Variants in DNAH11 observed in about 807,000 individuals in gnomAD.
DNAH11 encodes axonemal beta dynein heavy chain 11.
DNAH11 carries 442 observed loss-of-function variants against 526.0 expected under a neutral mutation model. The observed-to-expected ratio is 0.84, with a 90% CI of 0.78 to 0.91. DNAH11 has a LOEUF of 0.91. DNAH11 is among the 40% of genes least tolerant of loss of function. DNAH11 has a pLI of 0.00. For synonymous variants in DNAH11, 2,461 were observed against 1,935.9 expected, an observed-to-expected ratio of 1.27 and a Z score of -7.12; for missense variants, 6,989 against 5,448.7, an observed-to-expected ratio of 1.28 and a Z score of -8.90.
chr7:21,713,996 C>T (rs1261311028), intron 42 of DNAH11, among the ~76,000 whole-genome samples: 1 of 152,180 alleles, frequency 6.6e-6, no homozygotes, highest in Non-Finnish European at 1.5e-5. Flanking sequence ...CCAGGCACCA[C>T]AGTGCGTGGC....
chr7:21,849,798 T>C (rs1782553555), intron 66 of DNAH11, among the ~76,000 whole-genome samples: 1 of 152,140 alleles, frequency 6.6e-6, no homozygotes, highest in African/African-American at 2.4e-5. Flanking sequence ...AGTTGATTTT[T>C]TGGCATTTAT....
At chr7:21,816,007 C>A (rs148522840) in intron 63 of DNAH11, among the ~76,000 whole-genome samples, 240 of 152,164 alleles carry the variant, frequency 1.6e-3, no homozygotes, top group African/African-American at 5.4e-3. Flanking sequence ...TTCCATTAAT[C>A]CATCCCAGAG....
intron 36 of DNAH11, among the ~76,000 whole-genome samples, chr7:21,702,505 C>CAA (rs3214246): frequency 4.6e-5 from 6 of 129,364 alleles, no homozygotes; most frequent in South Asian, 2.5e-4. Flanking sequence ...CTGACAGAGG[C>CAA]AAAAAAAAAA....
At chr7:21,546,535 C>A (rs1374638666) in intron 2 of DNAH11, among the ~76,000 whole-genome samples, 1 of 152,178 alleles carries the variant, frequency 6.6e-6, no homozygotes, top group Non-Finnish European at 1.5e-5. Context: ...ACAGAAGATA[C>A]AAGCCTTTTT....
At chr7:21,858,571 A>C (rs1047093310) in intron 68 of DNAH11, among the ~76,000 whole-genome samples, 1 of 152,224 alleles carries the variant, frequency 6.6e-6, no homozygotes, top group Non-Finnish European at 1.5e-5. Flanking sequence ...AACAACGTGG[A>C]TATGTCACCA....
intron 65 of DNAH11, among the ~76,000 whole-genome samples, chr7:21,822,781 T>C (rs1790109394): frequency 6.7e-6 from 1 of 148,436 alleles, no homozygotes; most frequent in East Asian, 1.9e-4. Context: ...TTTCTTGTCT[T>C]TTTGATAATA....
intron 56 of DNAH11, among the ~76,000 whole-genome samples, chr7:21,774,369 C>T (rs940621451): frequency 1.3e-5 from 2 of 152,128 alleles, no homozygotes; most frequent in African/African-American, 4.8e-5. Context: ...GATTCTCAAC[C>T]TCCAGTGAGG....
At chr7:21,896,367 A>G (rs79237900) in intron 79 of DNAH11, among the ~76,000 whole-genome samples, 2 of 152,184 alleles carry the variant, frequency 1.3e-5, no homozygotes, top group African/African-American at 4.8e-5. Context: ...ACGTAGAATT[A>G]TAGGACACGA....
At chr7:21,759,961 A>G (rs1039438166) in intron 54 of DNAH11, among the ~76,000 whole-genome samples, 1 of 152,206 alleles carries the variant, frequency 6.6e-6, no homozygotes, top group African/African-American at 2.4e-5. Flanking sequence ...AAGTACGTAG[A>G]TGGTGATTTC....
chr7:21,827,528 GAT>G (rs1163825616), intron 65 of DNAH11, among the ~76,000 whole-genome samples: 1 of 151,570 alleles, frequency 6.6e-6, no homozygotes, highest in Non-Finnish European at 1.5e-5. Flanking sequence ...ATTATTAAAA[GAT>G]ATTTTATACT....
chr7:21,727,016 A>ACC (rs1262542592), intron 45 of DNAH11, among the ~76,000 whole-genome samples: 2 of 116,850 alleles, frequency 1.7e-5, no homozygotes, highest in Non-Finnish European at 3.3e-5. Context: ...TCACCGCAAG[A>ACC]TCCACCTCCG....
Position 21,720,830 on chromosome 7 carries a change from T to G in DNAH11, c.7240T>G (p.Phe2414Val), listed in dbSNP as rs1415224732. ...TTTTGTATTTGCTTGTATCTGGGCT[T>G]TTGGAGGCACCCTGCTACAAGATCA... ...VYFVFACIWA[F>V]GGTLLQDQIS... is the part of the protein sequence containing the mutation. The change falls in exon 44 of 82, where the codon TTT becomes GTT. Residue 2414 changes from phenylalanine to valine, a missense_variant. Transcript: ENST00000409508. 1.7e-5 allele frequency: 28 copies of G among 1,613,100 alleles called. No homozygotes were observed. Among genetic ancestry groups the G allele is most frequent in the Non-Finnish European group, 2.4e-5 (28 of 1,179,498 alleles).
chr7:21,787,981 G>T (rs1279051625), intron 60 of DNAH11, among the ~76,000 whole-genome samples: 1 of 152,226 alleles, frequency 6.6e-6, no homozygotes, highest in Admixed American at 6.5e-5. Flanking sequence ...TGTTGACATA[G>T]TGAGATGAGG....
chr7:21,812,207 A>G (rs567751432), intron 63 of DNAH11, among the ~76,000 whole-genome samples: 1 of 152,326 alleles, frequency 6.6e-6, no homozygotes, highest in Non-Finnish European at 1.5e-5. Flanking sequence ...ACCAATAGCT[A>G]TATCATTCAT....
intron 61 of DNAH11, among the ~76,000 whole-genome samples, chr7:21,793,354 A>T (rs985560644): frequency 6.6e-6 from 1 of 152,104 alleles, no homozygotes; most frequent in Non-Finnish European, 1.5e-5. Flanking sequence ...GTGGTGGCTC[A>T]CGCCTATAAT....
chr7:21,892,383 T>A (rs758294324), intron 76 of DNAH11, 42 bp from the exon 77 acceptor site: 1 of 1,576,742 alleles, frequency 6.3e-7, no homozygotes, highest in Non-Finnish European at 8.6e-7. Context: ...AATGGATGCC[T>A]ACCTACATTT....
intron 2 of DNAH11, among the ~76,000 whole-genome samples, chr7:21,554,327 C>G (rs962698690): frequency 1.3e-5 from 2 of 152,088 alleles, no homozygotes; most frequent in African/African-American, 4.8e-5. Context: ...GTGCGTACCA[C>G]CATGCCCAGC....
chr7:21,719,818 T>C (rs558597380), intron 43 of DNAH11, among the ~76,000 whole-genome samples: 3 of 152,340 alleles, frequency 2.0e-5, no homozygotes, highest in East Asian at 3.9e-4. Flanking sequence ...ATAATAGAGA[T>C]GAAAATCTAT....
At chr7:21,896,884 C>T (rs910380454) in intron 79 of DNAH11, among the ~76,000 whole-genome samples, 4 of 152,022 alleles carry the variant, frequency 2.6e-5, no homozygotes, top group Non-Finnish European at 5.9e-5. Flanking sequence ...CATAATGAGA[C>T]CCTGTCTCTA....
Sources: gnomAD v4.1 joint callset for allele counts (sites outside exome capture counted in the v4.1 genomes callset) on GRCh38, gnomAD v4.1.1 for gene constraint, MANE v1.5 for transcripts, NCBI Gene and HGNC (gene_info 2026-07-23, HGNC 2026-07-21) for gene names.